The following TSHZ2 variants were observed in gnomAD, a reference collection of about 807,000 sequenced individuals.
TSHZ2 encodes the protein teashirt zinc finger homeobox 2.
TSHZ2 carries 21 observed loss-of-function variants against 74.4 expected under a neutral mutation model. That is an observed-to-expected ratio of 0.28 (90% CI 0.20 to 0.41). The LOEUF is 0.41. TSHZ2 is among the 10% of genes least tolerant of loss of function. The probability of loss-of-function intolerance (pLI) is 1.00; values close to 1 mark genes in which losing one functional copy is unlikely to be tolerated. For missense variants in TSHZ2, 1,244 were observed against 1,293.5 expected, an observed-to-expected ratio of 0.96 and a Z score of 0.59; for synonymous variants, 540 against 515.3, an observed-to-expected ratio of 1.05 and a Z score of -0.65.
chr20:53,249,751 G>A (rs2123711925), intron 1 of TSHZ2, among the ~76,000 whole-genome samples: 1 of 152,324 alleles, frequency 6.6e-6, no homozygotes, highest in South Asian at 2.1e-4. Flanking sequence ...GAGGGGCAGG[G>A]AGGTTGGCCT....
At position 53,204,408 on chromosome 20, in the gene TSHZ2, A is replaced by G. The variant is rs1989110909; in HGVS notation, c.41-49091A>G. On this transcript the variant is annotated intron_variant, in intron 1 of 2. Coordinates refer to ENST00000371497, the MANE Select transcript of TSHZ2 (RefSeq NM_173485.6). ...ATATGATACTATATCATCATATAACATGATGATATGATACTATTATATCAT... is the reference window on the plus strand; with the variant it reads ...ATATGATACTATATCATCATATAACGTGATGATATGATACTATTATATCAT... 2.0e-5 allele frequency among the ~76,000 whole-genome samples: 3 copies of G among 149,514 alleles called. 1 individual carries two copies. In the East Asian group the frequency reaches 6.0e-4, roughly 30 times the overall value.
At chr20:53,377,687 C>T (rs1465815330) in intron 2 of TSHZ2, among the ~76,000 whole-genome samples, 4 of 147,114 alleles carry the variant, frequency 2.7e-5, no homozygotes, top group Non-Finnish European at 4.5e-5. Flanking sequence ...CGGCAAAACC[C>T]CATATCTATA....
At chr20:53,486,114 A>T (rs1476980481) in intron 2 of TSHZ2, among the ~76,000 whole-genome samples, 1 of 152,070 alleles carries the variant, frequency 6.6e-6, no homozygotes, top group African/African-American at 2.4e-5. Flanking sequence ...GAGTTTGACT[A>T]CCTCTAGATA....
intron 1 of TSHZ2, among the ~76,000 whole-genome samples, chr20:53,022,954 C>T (rs1209287705): frequency 6.6e-6 from 1 of 151,524 alleles, no homozygotes; most frequent in Non-Finnish European, 1.5e-5. Context: ...TATTGCTTCT[C>T]TTCTTGTCTA....
intron 1 of TSHZ2, among the ~76,000 whole-genome samples, chr20:53,187,367 T>A (rs946460100): frequency 9.9e-5 from 15 of 152,220 alleles, no homozygotes; most frequent in African/African-American, 3.4e-4. Flanking sequence ...TAATATCGTG[T>A]TATCGTTTAA....
chr20:53,090,085 C>T (rs188809176), intron 1 of TSHZ2, among the ~76,000 whole-genome samples: 2 of 152,368 alleles, frequency 1.3e-5, no homozygotes, highest in Admixed American at 6.5e-5. Flanking sequence ...TGTTGTAAGT[C>T]TAAGAGTCCA....
intron 1 of TSHZ2, among the ~76,000 whole-genome samples, chr20:53,151,977 A>G (rs142906785): frequency 2.0e-4 from 31 of 152,324 alleles, no homozygotes; most frequent in African/African-American, 6.0e-4. Flanking sequence ...AAATACAAAG[A>G]TTCTCTTCTG....
rs771867207 is a variant in TSHZ2 at position 53,255,656 on chromosome 20, A to G, written c.2198A>G (p.Asn733Ser). The change falls in exon 2 of 3, where the codon AAT (asparagine) becomes AGT (serine). Residue 733 changes from asparagine (N) to serine (S), a missense_variant. By Grantham distance (46) the Asn-to-Ser change is conservative. Coordinates refer to ENST00000371497, the MANE Select transcript of TSHZ2 (RefSeq NM_173485.6). The surrounding 1 kb of genome is among the most constrained non-coding windows in gnomAD (Gnocchi z 4.1). Reference protein sequence around the residue: ...SSTISMFHKSNLNVMDKPVLS... With the variant: ...SSTISMFHKSSLNVMDKPVLS... ...ACAATTTCCATGTTCCACAAGTCGAATCTCAATGTCATGGACAAGCCGGTC... is the reference window on the plus strand; with the variant it reads ...ACAATTTCCATGTTCCACAAGTCGAGTCTCAATGTCATGGACAAGCCGGTC... 27 of 1,575,582 alleles carry G rather than the reference A, an allele frequency of 1.7e-5. No homozygotes were observed. The South Asian group carries it at 2.1e-4, about 13-fold the overall frequency.
chr20:53,224,849 CAA>C (rs1157712413), intron 1 of TSHZ2, among the ~76,000 whole-genome samples: 17 of 112,908 alleles, frequency 1.5e-4, no homozygotes, highest in Admixed American at 2.1e-4. Flanking sequence ...GACTCCATCT[CAA>C]AAAAAAAAAA....
At chr20:52,981,068 T>C (rs574407419) in intron 1 of TSHZ2, among the ~76,000 whole-genome samples, 74 of 152,358 alleles carry the variant, frequency 4.9e-4, no homozygotes, top group African/African-American at 1.7e-3. Flanking sequence ...AAATGCGTTT[T>C]ATATCAGAAT....
intron 1 of TSHZ2, among the ~76,000 whole-genome samples, chr20:53,061,831 C>T (rs1984833084): frequency 6.6e-6 from 1 of 152,126 alleles, no homozygotes; most frequent in Admixed American, 6.6e-5. Flanking sequence ...AACGAATGTG[C>T]TTCACCCAAC....
intron 2 of TSHZ2, among the ~76,000 whole-genome samples, chr20:53,470,058 A>G (rs1985750925): frequency 1.3e-5 from 2 of 152,218 alleles, no homozygotes; most frequent in South Asian, 2.1e-4. Flanking sequence ...TTGGAAACTC[A>G]GCCACTTTGT....
intron 1 of TSHZ2, among the ~76,000 whole-genome samples, chr20:53,001,836 T>A (rs1019943585): frequency 6.6e-6 from 1 of 152,242 alleles, no homozygotes; most frequent in Admixed American, 6.5e-5. Flanking sequence ...GATAGTGGCA[T>A]AGCTGTGGTT....
rs74902800 is a variant in TSHZ2, at chr20:53,083,867, A to G, written c.40+110534A>G. 8.9e-3 allele frequency among the ~76,000 whole-genome samples: 1,348 copies of G among 152,150 alleles called. 18 individuals carry two copies. The highest frequency in any genetic ancestry group is 0.031 in the African/African-American group (1,270 of 41,516). On this transcript the variant is annotated intron_variant, in intron 1 of 2. Coordinates refer to ENST00000371497, the MANE Select transcript of TSHZ2 (RefSeq NM_173485.6). Reference sequence around the variant, plus strand: ...TTTTTATAAGTTTTCTTCCCTTTCTATGTGAATTTTTTTAACTGTAAGCAT... The same window carrying G: ...TTTTTATAAGTTTTCTTCCCTTTCTGTGTGAATTTTTTTAACTGTAAGCAT...
chr20:53,179,165 A>C (rs1220829623), intron 1 of TSHZ2: 1 of 151,780 alleles, frequency 6.6e-6, no homozygotes, highest in Non-Finnish European at 1.5e-5. Flanking sequence ...TTTAAGGAAA[A>C]GAGTATCTCC....
intron 1 of TSHZ2, among the ~76,000 whole-genome samples, chr20:52,977,430 AC>A (rs1981385699): frequency 3.0e-5 from 2 of 67,684 alleles, no homozygotes; most frequent in East Asian, 3.0e-3. Context: ...ATACACACAC[AC>A]ACACACACAC....
intron 2 of TSHZ2, among the ~76,000 whole-genome samples, chr20:53,290,913 T>C (rs1991265565): frequency 6.6e-6 from 1 of 152,256 alleles, no homozygotes; most frequent in African/African-American, 2.4e-5. Context: ...ATATTGTCTA[T>C]GGCTGCTTTT....
chr20:53,323,525 T>G (rs376376495), intron 2 of TSHZ2, among the ~76,000 whole-genome samples: 40 of 148,786 alleles, frequency 2.7e-4, no homozygotes, highest in African/African-American at 9.3e-4. Context: ...GGATTCTTTC[T>G]TCCCATCAAA....
intron 1 of TSHZ2, among the ~76,000 whole-genome samples, chr20:53,161,057 G>A (rs1987922460): frequency 1.4e-5 from 2 of 139,874 alleles, no homozygotes; most frequent in Admixed American, 7.7e-5. Context: ...GTTTGTTTTC[G>A]AGAACATTGC....
Sources: gnomAD v4.1 joint callset for allele counts (sites outside exome capture counted in the v4.1 genomes callset) on GRCh38, gnomAD v4.1.1 for gene constraint, Gnocchi (gnomAD v3.1) non-coding constraint, MANE v1.5 for transcripts, NCBI Gene and HGNC (gene_info 2026-07-23, HGNC 2026-07-21) for gene names.